Variants in SYK observed in about 807,000 individuals in gnomAD.
SYK encodes tyrosine-protein kinase SYK.
SYK carries 16 observed loss-of-function variants against 77.8 expected under a neutral mutation model. The observed-to-expected ratio is 0.21, with a 90% CI of 0.14 to 0.31. The LOEUF (loss-of-function observed/expected upper bound fraction) is 0.31, where lower values mean the gene tolerates loss of function less well. SYK is among the 10% of genes least tolerant of loss of function. The probability of loss-of-function intolerance (pLI) is 1.00; values close to 1 mark genes in which losing one functional copy is unlikely to be tolerated. For missense variants in SYK, 529 were observed against 814.4 expected, an observed-to-expected ratio of 0.65 and a Z score of 4.26; for synonymous variants, 312 against 308.7, an observed-to-expected ratio of 1.01 and a Z score of -0.11.
intron 1 of SYK, among the ~76,000 whole-genome samples, chr9:90,825,860 AG>A (rs1181298120): frequency 5.3e-5 from 8 of 152,278 alleles, no homozygotes; most frequent in Non-Finnish European, 8.8e-5. Context: ...AGTGTAGAGA[AG>A]GGAATGATCT....
chr9:90,841,746 T>C (rs1177328042), intron 1 of SYK, among the ~76,000 whole-genome samples: 2 of 151,568 alleles, frequency 1.3e-5, no homozygotes, highest in Non-Finnish European at 2.9e-5. Flanking sequence ...GTATGTATTT[T>C]GTGTGTGTGG....
chr9:90,825,334 A>G (rs1479144102), intron 1 of SYK, among the ~76,000 whole-genome samples: 1 of 152,204 alleles, frequency 6.6e-6, no homozygotes, highest in Non-Finnish European at 1.5e-5. Context: ...CCCAATCAAA[A>G]TCCCAGCAAG....
intron 1 of SYK, among the ~76,000 whole-genome samples, chr9:90,815,180 C>T (rs1305456488): frequency 1.3e-5 from 2 of 152,090 alleles, no homozygotes; most frequent in Non-Finnish European, 1.5e-5. Flanking sequence ...AGAGAGGTAA[C>T]GTGTTTCTCA....
At position 90,824,563 on chromosome 9, in the gene SYK, A is replaced by G. The variant is rs373996881; in HGVS notation, c.-41-19295A>G. ...TATTCCAGGTATGCAAAACAGGTTC[A>G]ACATTTGAAAATAAATTAATGTGAT... On this transcript the variant is annotated intron_variant, in intron 1 of 13. Transcript: ENST00000375754. Among the ~76,000 whole-genome samples the G allele has an allele frequency of 8.5e-5, 13 of 152,314 alleles. No homozygotes were observed. The East Asian group carries it at 1.2e-3, about 14-fold the overall frequency.
chr9:90,803,110 GT>G (rs1824673223), intron 1 of SYK, among the ~76,000 whole-genome samples: 1 of 152,202 alleles, frequency 6.6e-6, no homozygotes, highest in Non-Finnish European at 1.5e-5. Flanking sequence ...AGTGTTTTAA[GT>G]GAGAAATCTT....
chr9:90,874,077 A>C lies in SYK; in HGVS notation c.916-127A>C. 5.1e-6 allele frequency: 4 copies of C among 789,182 alleles called. 1 individual carries two copies. The South Asian group carries it at 7.1e-5, about 14-fold the overall frequency. 48.9% of individuals were successfully genotyped at this position (789,182 alleles called of 1,614,324 possible). A position where few individuals can be genotyped will look rare whatever the true frequency, so the allele number is the denominator to read the frequency against. ...CCTTATTTTCTTCCCTGTTTTTCGT[A>C]ATTCTTTCCTTTGTCTTTCCTGCAA... On this transcript the variant is annotated intron_variant, in intron 7 of 13. Coordinates refer to ENST00000375754, the MANE Select transcript of SYK (RefSeq NM_003177.7).
In SYK at chr9:90,820,204, G is replaced by A. The variant is rs567236488; in HGVS notation, c.-42+18311G>A. Among the ~76,000 whole-genome samples the A allele has an allele frequency of 8.5e-5, 13 of 152,250 alleles. No homozygotes were observed. The South Asian group carries it at 2.5e-3, about 29-fold the overall frequency. On this transcript the variant is annotated intron_variant, in intron 1 of 13. Transcript: ENST00000375754. ...CATTGAGTGTCTGTGGCTTTTCCAG[G>A]CACATGGTGCAAGCTGTCAGTGGAT...
At chr9:90,850,445 G>A (rs753657721) in intron 3 of SYK, among the ~76,000 whole-genome samples, 7 of 152,166 alleles carry the variant, frequency 4.6e-5, no homozygotes, top group Non-Finnish European at 1.0e-4. Flanking sequence ...GAACCCAGGA[G>A]GCGGAGGTTG....
chr9:90,840,436 C>T (rs1021889256), intron 1 of SYK, among the ~76,000 whole-genome samples: 1 of 151,914 alleles, frequency 6.6e-6, no homozygotes, highest in Admixed American at 6.6e-5. Flanking sequence ...AGTGGCTGGC[C>T]TGCAACAAAA....
intron 1 of SYK, among the ~76,000 whole-genome samples, chr9:90,813,734 G>A (rs913822430): frequency 1.3e-5 from 2 of 152,204 alleles, no homozygotes; most frequent in Non-Finnish European, 2.9e-5. Flanking sequence ...TGAAGACAGG[G>A]TTCTTTTACA....
chr9:90,842,450 C>T lies in SYK; in HGVS notation c.-41-1408C>T, dbSNP rs186250154. ...TATGTAACGTAGAATTTGGTGTGTG[C>T]GGTGTGTTTCATGTGTGTGGTGTGT... On this transcript the variant is annotated intron_variant, in intron 1 of 13. Coordinates refer to ENST00000375754, the MANE Select transcript of SYK (RefSeq NM_003177.7). Among the ~76,000 whole-genome samples the T allele has an allele frequency of 8.1e-3, 1,061 of 131,506 alleles. 6 individuals carry two copies. The highest frequency in any genetic ancestry group is 0.033 in the Admixed American group (436 of 13,194). The allele number at this position is 131,506 out of a possible 152,430, so 86.3% of individuals were successfully genotyped here.
intron 11 of SYK, among the ~76,000 whole-genome samples, chr9:90,885,713 T>A (rs1167920093): frequency 6.6e-6 from 1 of 152,112 alleles, no homozygotes; most frequent in East Asian, 1.9e-4. Context: ...TGCAAAATCA[T>A]CTTCTCCACA....
At chr9:90,814,368 T>C (rs1010228594) in intron 1 of SYK, among the ~76,000 whole-genome samples, 1 of 152,174 alleles carries the variant, frequency 6.6e-6, no homozygotes, top group Non-Finnish European at 1.5e-5. Context: ...CTCAATTACT[T>C]AAAACCATTT....
chr9:90,894,050 G>A lies in SYK; in HGVS notation c.1836-1478G>A, dbSNP rs915497177. On this transcript the variant is annotated intron_variant, in intron 13 of 13. Coordinates refer to ENST00000375754, the MANE Select transcript of SYK (RefSeq NM_003177.7). The stretch of plus-strand genomic sequence containing the variant: ...CTGACCAGGTGTTTTTCCTGAGGAC[G>A]AGTCTGTATTCCTGTTTCCCTGCAT... Among the ~76,000 whole-genome samples the A allele has an allele frequency of 7.9e-5, 12 of 152,320 alleles. No homozygotes were observed. The South Asian group carries it at 1.7e-3, about 21-fold the overall frequency.
intron 11 of SYK, among the ~76,000 whole-genome samples, chr9:90,885,302 G>C (rs923507371): frequency 2.6e-5 from 4 of 152,018 alleles, no homozygotes; most frequent in Admixed American, 2.0e-4. Context: ...TTCAGGATAT[G>C]AATGAGAAAT....
intron 1 of SYK, among the ~76,000 whole-genome samples, chr9:90,814,258 T>C (rs1825208071): frequency 6.6e-6 from 1 of 152,320 alleles, no homozygotes; most frequent in South Asian, 2.1e-4. Flanking sequence ...ACTCTGGTCC[T>C]GGCGGTGTGT....
At chr9:90,884,746 CAT>C (rs1484910254) in intron 11 of SYK, among the ~76,000 whole-genome samples, 1 of 37,598 alleles carries the variant, frequency 2.7e-5, no homozygotes, top group Non-Finnish European at 4.1e-5. Context: ...TACATATACA[CAT>C]ATACACATAT....
chr9:90,853,941 A>C (rs1319489946), intron 3 of SYK, among the ~76,000 whole-genome samples: 2 of 152,230 alleles, frequency 1.3e-5, no homozygotes, highest in African/African-American at 4.8e-5. Flanking sequence ...ACGGGGTAGC[A>C]TGGGTATGGT....
intron 11 of SYK, among the ~76,000 whole-genome samples, chr9:90,879,276 A>T (rs531910323): frequency 6.6e-6 from 1 of 152,368 alleles, no homozygotes; most frequent in African/African-American, 2.4e-5. Flanking sequence ...TTTGCATTGG[A>T]CAGCTTGATT....
Sources: gnomAD v4.1 joint callset for allele counts (sites outside exome capture counted in the v4.1 genomes callset) on GRCh38, gnomAD v4.1.1 for gene constraint, MANE v1.5 for transcripts, NCBI Gene and HGNC (gene_info 2026-07-23, HGNC 2026-07-21) for gene names.